The following ARK2C variants were observed in gnomAD, a reference collection of about 807,000 sequenced individuals.
ARK2C encodes arkadia (RNF111) C-terminal like ring finger ubiquitin ligase 2C.
chr18:46,368,201 A>G, the ARK2C span, among the ~76,000 whole-genome samples: 4 of 152,236 alleles, frequency 2.6e-5, no homozygotes, highest in African/African-American at 7.2e-5. Flanking sequence ...GGCTAAGCTT[A>G]TTGGAAGTTC....
At chr18:46,421,273 T>C in the ARK2C span, among the ~76,000 whole-genome samples, 2 of 152,228 alleles carry the variant, frequency 1.3e-5, no homozygotes, top group Non-Finnish European at 2.9e-5. Context: ...ACCATCAAAT[T>C]CCATGCAGTT....
the ARK2C span, among the ~76,000 whole-genome samples, chr18:46,393,268 C>T: frequency 6.6e-6 from 1 of 152,282 alleles, no homozygotes; most frequent in East Asian, 1.9e-4. Context: ...CTTAAGTTTG[C>T]GGAAAACTTT....
the ARK2C span, among the ~76,000 whole-genome samples, chr18:46,421,698 T>C: frequency 6.6e-6 from 1 of 152,216 alleles, no homozygotes; most frequent in Admixed American, 6.5e-5. Context: ...TCCTGGTCCA[T>C]GATGGCAACT....
the ARK2C span, among the ~76,000 whole-genome samples, chr18:46,447,141 A>G: frequency 9.9e-5 from 15 of 152,164 alleles, no homozygotes; most frequent in African/African-American, 3.6e-4. Flanking sequence ...CTAGGTGTAG[A>G]GTTCTCTCTC....
chr18:46,433,316 G>T, the ARK2C span: 1 of 1,611,960 alleles, frequency 6.2e-7, no homozygotes, highest in Non-Finnish European at 8.5e-7. Context: ...TCGCAGCCAG[G>T]CCTCAGCGCC....
the ARK2C span, among the ~76,000 whole-genome samples, chr18:46,395,099 TG>T: frequency 1.3e-5 from 2 of 152,252 alleles, no homozygotes; most frequent in African/African-American, 4.8e-5. Context: ...AAGTCAACGC[TG>T]ACTAGCTGGA....
At chr18:46,400,387 T>A in the ARK2C span, among the ~76,000 whole-genome samples, 826 of 152,334 alleles carry the variant, frequency 5.4e-3, 2 homozygotes, top group Non-Finnish European at 8.2e-3. Context: ...TGCATAGATA[T>A]GGCTTTAAGA....
chr18:46,354,183 G>T, the ARK2C span, among the ~76,000 whole-genome samples: 1 of 152,232 alleles, frequency 6.6e-6, no homozygotes, highest in Non-Finnish European at 1.5e-5. Flanking sequence ...GCCCAGGGAA[G>T]GGCATGTATG....
the ARK2C span, among the ~76,000 whole-genome samples, chr18:46,415,965 T>C: frequency 6.6e-6 from 1 of 152,062 alleles, no homozygotes; most frequent in South Asian, 2.1e-4. Context: ...GAAACCAATT[T>C]GGACACCCAG....
the ARK2C span, among the ~76,000 whole-genome samples, chr18:46,349,998 A>G: frequency 2.6e-5 from 4 of 152,216 alleles, no homozygotes; most frequent in African/African-American, 7.2e-5. Flanking sequence ...GAGAATATAC[A>G]GTACATATAC....
the ARK2C span, among the ~76,000 whole-genome samples, chr18:46,455,655 G>T: frequency 6.6e-6 from 1 of 152,042 alleles, no homozygotes; most frequent in Admixed American, 6.5e-5. Context: ...TGACCAACAT[G>T]GTGAAACCCT....
the ARK2C span, among the ~76,000 whole-genome samples, chr18:46,408,333 T>G: frequency 0.014 from 2,200 of 152,334 alleles, 54 homozygotes; most frequent in African/African-American, 0.05. Context: ...TCCTGTCATC[T>G]CTTGGTCCCA....
chr18:46,382,897 C>A, the ARK2C span, among the ~76,000 whole-genome samples: 1 of 152,242 alleles, frequency 6.6e-6, no homozygotes, highest in African/African-American at 2.4e-5. Flanking sequence ...TCGGGACTGC[C>A]AAACACCACC....
the ARK2C span, among the ~76,000 whole-genome samples, chr18:46,373,680 T>A: frequency 2.0e-5 from 3 of 152,124 alleles, no homozygotes; most frequent in African/African-American, 7.2e-5. Flanking sequence ...GGCTCACAGG[T>A]GTGTAAATGG....
At chr18:46,455,142 T>G in the ARK2C span, among the ~76,000 whole-genome samples, 1 of 152,212 alleles carries the variant, frequency 6.6e-6, no homozygotes, top group Non-Finnish European at 1.5e-5. Flanking sequence ...GTGAACTTTC[T>G]GGATAGAAAG....
the ARK2C span, among the ~76,000 whole-genome samples, chr18:46,339,540 C>A: frequency 6.6e-6 from 1 of 152,170 alleles, no homozygotes; most frequent in Non-Finnish European, 1.5e-5. Flanking sequence ...GGCCATTGTT[C>A]TTTATATTTA....
At chr18:46,418,283 G>T in the ARK2C span, among the ~76,000 whole-genome samples, 1 of 152,090 alleles carries the variant, frequency 6.6e-6, no homozygotes, top group Non-Finnish European at 1.5e-5. Context: ...CTTGAGCCCA[G>T]GAGACAGAAG....
the ARK2C span, among the ~76,000 whole-genome samples, chr18:46,354,306 G>A: frequency 2.0e-5 from 3 of 152,226 alleles, no homozygotes; most frequent in African/African-American, 7.2e-5. Flanking sequence ...CTCTACAAGT[G>A]TGGGCAGAAT....
At chr18:46,397,985 G>T in the ARK2C span, among the ~76,000 whole-genome samples, 2 of 143,836 alleles carry the variant, frequency 1.4e-5, no homozygotes, top group East Asian at 4.3e-4. Flanking sequence ...GTCATGCGGA[G>T]GTGTGAGGGT....
Sources: allele counts gnomAD v4.1 joint callset (sites outside exome capture counted in the v4.1 genomes callset), GRCh38; gene constraint gnomAD v4.1.1; transcripts MANE v1.5; gene names NCBI Gene and HGNC (gene_info 2026-07-23, HGNC 2026-07-21).